COL22A1: variants seen among roughly 807,000 people sequenced by gnomAD.
The protein encoded by COL22A1 is collagen type XXII alpha 1 chain.
In COL22A1, 221 loss-of-function variants were observed where a neutral mutation model predicts 248.9. The ratio of observed to expected loss-of-function variants is 0.89; its 90% CI spans 0.80 to 0.99. COL22A1 has a LOEUF of 0.99. Among genes scored for constraint, COL22A1 ranks in the 50% least tolerant of loss-of-function variants. The probability of loss-of-function intolerance (pLI) is 0.00; values close to 1 mark genes in which losing one functional copy is unlikely to be tolerated. For missense variants in COL22A1, 2,240 were observed against 2,179.0 expected (o/e 1.03, Z -0.56); for synonymous variants, 891 against 793.4 (o/e 1.12, Z -2.07).
In COL22A1 at chr8:138,902,739, T is replaced by TATATATACACACAC. The variant is rs763466994; in HGVS notation, c.-73+10879_-73+10880insGTGTGTGTATATAT. On this transcript the variant is annotated intron_variant, in intron 1 of 64. Coordinates refer to ENST00000303045, the MANE Select transcript of COL22A1 (RefSeq NM_152888.3). ...AAAAATTTATAAATATATATATATA[T>TATATATACACACAC]ACACACACACACACACACACACACA... 1.5e-3 allele frequency among the ~76,000 whole-genome samples: 145 copies of TATATATACACACAC among 93,878 alleles called. 1 individual carries two copies. The highest frequency in any genetic ancestry group is 5.8e-3 in the South Asian group (13 of 2,224). The allele number at this position is 93,878 out of a possible 152,430, so 61.6% of individuals were successfully genotyped here.
chr8:138,912,714 T>C (rs1435466493), intron 1 of COL22A1, among the ~76,000 whole-genome samples: 2 of 151,620 alleles, frequency 1.3e-5, no homozygotes, highest in Non-Finnish European at 2.9e-5. Flanking sequence ...CGCACCATTG[T>C]ACTCCAGCCT....
At chr8:138,712,527 A>G (rs1250897161) in intron 30 of COL22A1, among the ~76,000 whole-genome samples, 1 of 152,184 alleles carries the variant, frequency 6.6e-6, no homozygotes, top group Non-Finnish European at 1.5e-5. Context: ...CTACCAGCAG[A>G]GAGTACATGT....
At chr8:138,912,741 A>G (rs1224714095) in intron 1 of COL22A1, among the ~76,000 whole-genome samples, 1 of 131,076 alleles carries the variant, frequency 7.6e-6, no homozygotes, top group African/African-American at 3.3e-5. Context: ...CAAGAGTGAA[A>G]CTCGGCCTCA....
intron 23 of COL22A1, among the ~76,000 whole-genome samples, chr8:138,731,525 A>C (rs1435626390): frequency 1.3e-5 from 2 of 152,080 alleles, no homozygotes; most frequent in African/African-American, 4.8e-5. Flanking sequence ...ACTGGGACAC[A>C]ACCTGATACT....
At chr8:138,899,313 G>A (rs1202996913) in intron 1 of COL22A1, among the ~76,000 whole-genome samples, 6 of 151,990 alleles carry the variant, frequency 3.9e-5, no homozygotes, top group African/African-American at 1.4e-4. Context: ...GCCACTTTAC[G>A]GATAAAAAAG....
At chr8:138,877,013 G>A (rs1044264204) in intron 3 of COL22A1, among the ~76,000 whole-genome samples, 1 of 152,218 alleles carries the variant, frequency 6.6e-6, no homozygotes, top group South Asian at 2.1e-4. Flanking sequence ...CATCCTTCCT[G>A]TCCTGGGGAG....
intron 3 of COL22A1, among the ~76,000 whole-genome samples, chr8:138,845,342 C>G (rs970037309): frequency 2.6e-5 from 4 of 151,820 alleles, no homozygotes; most frequent in Non-Finnish European, 5.9e-5. Context: ...AACCCCGGCT[C>G]TACTAATAAT....
chr8:138,671,297 T>G (rs758927855), intron 41 of COL22A1, among the ~76,000 whole-genome samples: 1 of 152,186 alleles, frequency 6.6e-6, no homozygotes, highest in Non-Finnish European at 1.5e-5. Flanking sequence ...TTACAATTTG[T>G]TAAAATGTGT....
chr8:138,774,360 A>T (rs372174467), intron 16 of COL22A1, among the ~76,000 whole-genome samples: 1 of 152,034 alleles, frequency 6.6e-6, no homozygotes, highest in Non-Finnish European at 1.5e-5. Flanking sequence ...AATAATCATA[A>T]ATTTGAAAAT....
intron 3 of COL22A1, among the ~76,000 whole-genome samples, chr8:138,862,044 A>AAAG (rs1321480620): frequency 2.0e-5 from 3 of 148,576 alleles, no homozygotes; most frequent in Non-Finnish European, 4.5e-5. Flanking sequence ...AAAAAAAAAA[A>AAAG]AAAGAAAAAA....
At chr8:138,832,421 TAAG>T (rs1563822430) in intron 5 of COL22A1, among the ~76,000 whole-genome samples, 2 of 152,188 alleles carry the variant, frequency 1.3e-5, no homozygotes, top group South Asian at 2.1e-4. Context: ...CTGCCTGTAA[TAAG>T]AAGAATAGAG....
intron 3 of COL22A1, among the ~76,000 whole-genome samples, chr8:138,856,733 G>C (rs1412066946): frequency 6.6e-5 from 10 of 152,212 alleles, no homozygotes; most frequent in Admixed American, 5.9e-4. Context: ...GAGAGACAGA[G>C]AGAGGAGCTT....
At chr8:138,649,576 C>A in intron 46 of COL22A1, 89 bp downstream of exon 46, 1 of 1,537,310 alleles carries the variant, frequency 6.5e-7, no homozygotes, top group South Asian at 1.2e-5. Context: ...ACCCTGAACA[C>A]CTTCAGAGGC....
chr8:138,871,427 T>C (rs1397464702), intron 3 of COL22A1, among the ~76,000 whole-genome samples: 3 of 152,224 alleles, frequency 2.0e-5, no homozygotes, highest in Admixed American at 1.3e-4. Flanking sequence ...CCTATCAATC[T>C]TGGCTTGCAC....
chr8:138,860,588 G>A (rs1822377218), intron 3 of COL22A1, among the ~76,000 whole-genome samples: 1 of 152,170 alleles, frequency 6.6e-6, no homozygotes, highest in Non-Finnish European at 1.5e-5. Flanking sequence ...CGAGCAAATT[G>A]CTTGAGCCCA....
intron 45 of COL22A1, among the ~76,000 whole-genome samples, chr8:138,654,493 T>C (rs1823043611): frequency 6.6e-6 from 1 of 152,140 alleles, no homozygotes; most frequent in Non-Finnish European, 1.5e-5. Flanking sequence ...CTTGGCTTCA[T>C]GTATGAAGTA....
intron 1 of COL22A1, among the ~76,000 whole-genome samples, chr8:138,906,825 G>A (rs533446092): frequency 6.6e-6 from 1 of 152,114 alleles, no homozygotes; most frequent in African/African-American, 2.4e-5. Flanking sequence ...GCTAATTTTT[G>A]TATTTTTAGT....
At chr8:138,762,127 A>G (rs1269150891) in intron 17 of COL22A1, among the ~76,000 whole-genome samples, 1 of 152,202 alleles carries the variant, frequency 6.6e-6, no homozygotes, top group Non-Finnish European at 1.5e-5. Context: ...CTGCTTACAC[A>G]CATCACCTTG....
At chr8:138,618,567 C>A (rs542956919) in intron 53 of COL22A1, among the ~76,000 whole-genome samples, 14 of 152,212 alleles carry the variant, frequency 9.2e-5, no homozygotes, top group Non-Finnish European at 2.1e-4. Context: ...CTGGTGCAAT[C>A]ATGTGAAAAA....
Sources: gnomAD v4.1 joint callset for allele counts (sites outside exome capture counted in the v4.1 genomes callset) on GRCh38, gnomAD v4.1.1 for gene constraint, MANE v1.5 for transcripts, NCBI Gene and HGNC (gene_info 2026-07-23, HGNC 2026-07-21) for gene names.